Variants in FBXO25 observed in about 807,000 individuals in gnomAD.
The protein encoded by FBXO25 is F-box protein 25, also known as F-box only protein 25.
Under a neutral mutation model 51.9 loss-of-function variants are expected in FBXO25, and 45 were observed. The observed-to-expected ratio is 0.87, with a 90% CI of 0.68 to 1.11. The LOEUF is 1.11. Among genes scored for constraint, FBXO25 ranks in the 50% most tolerant of loss-of-function variants. The pLI is 0.00. For missense variants in FBXO25, 507 were observed against 428.5 expected, an observed-to-expected ratio of 1.18 and a Z score of -1.62; for synonymous variants, 199 against 151.0, an observed-to-expected ratio of 1.32 and a Z score of -2.33.
intron 1 of FBXO25, among the ~76,000 whole-genome samples, chr8:411,531 C>T (rs1282381330): frequency 6.6e-6 from 1 of 152,082 alleles, no homozygotes; most frequent in Non-Finnish European, 1.5e-5. Flanking sequence ...TCTCTCTAGT[C>T]TAACTCTCTT....
At chr8:450,665 T>A (rs1248351026) in intron 6 of FBXO25, 1 of 152,312 alleles carries the variant, frequency 6.6e-6, no homozygotes, top group African/African-American at 2.4e-5. Context: ...GATAAAATTT[T>A]AAAGTTTTAA....
intron 2 of FBXO25, among the ~76,000 whole-genome samples, chr8:414,101 T>G (rs1796653152): frequency 6.6e-6 from 1 of 152,232 alleles, no homozygotes; most frequent in Non-Finnish European, 1.5e-5. Flanking sequence ...TCAGTAACTT[T>G]AGGCCAGAGA....
Position 413,148 on chromosome 8 carries a change from G to A in FBXO25, c.69G>A (p.Lys23=), listed in dbSNP as rs1398091735. 7 of 1,611,528 alleles carry A rather than the reference G, an allele frequency of 4.3e-6. No homozygotes were observed. The highest frequency in any genetic ancestry group is 1.3e-5 in the African/African-American group (1 of 74,748). ...WSWIKTEDGW[K]RCESCSQKLE... ...GGATTAAGACAGAAGATGGCTGGAAGAGATGTGAATCTTGTAGTCAGAAAC... is the reference window on the plus strand; with the variant it reads ...GGATTAAGACAGAAGATGGCTGGAAAAGATGTGAATCTTGTAGTCAGAAAC... The change falls in exon 2 of 10, where the codon AAG becomes AAA. Residue 23 remains lysine, a synonymous_variant. Coordinates refer to ENST00000350302, the MANE Select transcript of FBXO25 (RefSeq NM_183420.2).
rs1800608730 is a variant in FBXO25 at position 475,257 on chromosome 8, C to T, written c.*6453C>T. On this transcript the variant is annotated 3_prime_UTR_variant, in exon 10 of 10. Coordinates refer to ENST00000350302, the MANE Select transcript of FBXO25 (RefSeq NM_183420.2). ...TCAAAAATCATTTGACCCATATGTG[C>T]AAGGGTTTATTTGGGGATTTGCTAT... 4.2e-6 allele frequency: 1 copy of T among 238,086 alleles called. No homozygotes were observed. Among genetic ancestry groups the T allele is most frequent in the African/African-American group, 2.3e-5 (1 of 42,570 alleles). The allele number at this position is 238,086 out of a possible 1,614,324, so 14.7% of individuals were successfully genotyped here. A position where few individuals can be genotyped will look rare whatever the true frequency, so the allele number is the denominator to read the frequency against.
chr8:435,830 T>C, intron 5 of FBXO25, 123 bp downstream of exon 5: 2 of 1,405,664 alleles, frequency 1.4e-6, no homozygotes, highest in South Asian at 1.5e-5. Flanking sequence ...TTGCTGCGTA[T>C]TAATCAAAAA....
In FBXO25 at chr8:453,587, C is replaced by G. The variant is rs528824401; in HGVS notation, c.660+2134C>G. 3.9e-5 allele frequency among the ~76,000 whole-genome samples: 6 copies of G among 152,278 alleles called. No homozygotes were observed. In the South Asian group the frequency reaches 1.0e-3, roughly 26 times the overall value. ...GTCTAAGGCTGCTTAAGGTAAAGACCTGGTCTCCTGACCTGCTGGCTGATG... is the reference window on the plus strand; with the variant it reads ...GTCTAAGGCTGCTTAAGGTAAAGACGTGGTCTCCTGACCTGCTGGCTGATG... On this transcript the variant is annotated intron_variant, in intron 7 of 9. Coordinates refer to ENST00000350302, the MANE Select transcript of FBXO25 (RefSeq NM_183420.2).
intron 8 of FBXO25, among the ~76,000 whole-genome samples, chr8:461,204 T>G (rs1403698396): frequency 6.6e-6 from 1 of 152,230 alleles, no homozygotes; most frequent in African/African-American, 2.4e-5. Flanking sequence ...GGTAACACCT[T>G]TATTAAGATA....
intron 9 of FBXO25, among the ~76,000 whole-genome samples, chr8:466,198 G>T (rs1349882542): frequency 1.3e-5 from 2 of 152,204 alleles, no homozygotes; most frequent in Non-Finnish European, 2.9e-5. Context: ...AAGATGTCAG[G>T]TACTTCTTGC....
In FBXO25 at chr8:470,999, C is replaced by T. The variant is rs1157628063; in HGVS notation, c.*2195C>T. On this transcript the variant is annotated 3_prime_UTR_variant, in exon 10 of 10. Coordinates refer to ENST00000350302, the MANE Select transcript of FBXO25 (RefSeq NM_183420.2). ...CTAATTTGTCATATACTGTTACTGT[C>T]ATTTAATTGTTAGATGTTATAACAG... is the stretch of plus-strand genomic sequence containing the variant. 1 of 152,086 alleles carries T rather than the reference C, an allele frequency of 6.6e-6. No individual in the cohort carries two copies. The highest frequency in any genetic ancestry group is 2.4e-5 in the African/African-American group (1 of 41,416). 9.4% of individuals were successfully genotyped at this position (152,086 alleles called of 1,614,324 possible).
At position 476,087 on chromosome 8, in the gene FBXO25, A is replaced by G. The variant is rs1235877739; in HGVS notation, c.*7283A>G. On this transcript the variant is annotated 3_prime_UTR_variant, in exon 10 of 10. Transcript: ENST00000350302. ...TGAGTTTTTATCATGAAAGGGCATGACATTGTCTCAAATGCTTTTTCTCCA... is the reference window on the plus strand; with the variant it reads ...TGAGTTTTTATCATGAAAGGGCATGGCATTGTCTCAAATGCTTTTTCTCCA... 2 of 152,150 alleles carry G rather than the reference A, an allele frequency of 1.3e-5. No homozygotes were observed. The highest frequency in any genetic ancestry group is 2.9e-5 in the Non-Finnish European group (2 of 68,020). The allele number at this position is 152,150 out of a possible 1,614,324, so 9.4% of individuals were successfully genotyped here.
intron 2 of FBXO25, chr8:420,360 A>G (rs1585014216): frequency 6.6e-6 from 1 of 152,232 alleles, no homozygotes; most frequent in Non-Finnish European, 1.5e-5. Context: ...GCAGAATGGC[A>G]CAGCCACTCT....
chr8:430,507 C>G (rs964861492), intron 2 of FBXO25, among the ~76,000 whole-genome samples: 25 of 151,814 alleles, frequency 1.6e-4, no homozygotes, highest in African/African-American at 5.6e-4. Context: ...ATTTTCTTGT[C>G]AAAGAACGAT....
chr8:456,382 C>G (rs1037361554), intron 7 of FBXO25, among the ~76,000 whole-genome samples: 1 of 152,062 alleles, frequency 6.6e-6, no homozygotes, highest in Non-Finnish European at 1.5e-5. Context: ...GCCATATTCT[C>G]TTTTCTATGT....
chr8:408,273 G>A (rs4735938), intron 1 of FBXO25, among the ~76,000 whole-genome samples: 86,683 of 151,728 alleles, frequency 0.57, 24,989 homozygotes, highest in African/African-American at 0.63. Flanking sequence ...TAGTGCCTTT[G>A]TATTTAGGTT....
chr8:420,114 C>T (rs756049459), intron 2 of FBXO25, among the ~76,000 whole-genome samples: 6 of 152,052 alleles, frequency 3.9e-5, no homozygotes, highest in Non-Finnish European at 8.8e-5. Context: ...CCTGAGGCCA[C>T]GGTACCATTT....
At chr8:463,895 C>G (rs184112825) in intron 9 of FBXO25, among the ~76,000 whole-genome samples, 1 of 152,100 alleles carries the variant, frequency 6.6e-6, no homozygotes, top group African/African-American at 2.4e-5. Context: ...CTCACTGCAG[C>G]CTCTACCTCC....
At chr8:463,286 C>A in intron 9 of FBXO25, 136 bp downstream of exon 9, 1 of 1,004,942 alleles carries the variant, frequency 1.0e-6, no homozygotes, top group Non-Finnish European at 1.5e-6. Flanking sequence ...TATATTTTAC[C>A]AAATATTGGG....
chr8:465,232 G>T (rs1191666401), intron 9 of FBXO25, among the ~76,000 whole-genome samples: 1 of 152,148 alleles, frequency 6.6e-6, no homozygotes, highest in Admixed American at 6.5e-5. Flanking sequence ...ACTGACACCT[G>T]TTCTTCTCTG....
At chr8:466,723 C>T (rs1287718747) in intron 9 of FBXO25, among the ~76,000 whole-genome samples, 2 of 152,124 alleles carry the variant, frequency 1.3e-5, no homozygotes, top group Non-Finnish European at 2.9e-5. Context: ...AGCTGGTTTC[C>T]CATCTGTTGT....
Sources: allele counts gnomAD v4.1 joint callset (sites outside exome capture counted in the v4.1 genomes callset), GRCh38; gene constraint gnomAD v4.1.1; transcripts MANE v1.5; gene names NCBI Gene and HGNC (gene_info 2026-07-23, HGNC 2026-07-21).